TTN: variants seen among roughly 807,000 people sequenced by gnomAD.
The protein encoded by TTN is titin, also known as connectin.
TTN carries 1,525 observed loss-of-function variants against 3,223.0 expected under a neutral mutation model. That is an observed-to-expected ratio of 0.47 (90% CI 0.45 to 0.49). The LOEUF (loss-of-function observed/expected upper bound fraction) is 0.49, where lower values mean the gene tolerates loss of function less well. Ranked by LOEUF, TTN falls within the 20% of genes least tolerant of loss-of-function variation. TTN has a pLI of 0.00. For missense variants in TTN, 40,786 were observed against 43,424.0 expected (o/e 0.94, Z 5.40); for synonymous variants, 14,094 against 15,161.0 (o/e 0.93, Z 5.17).
Position 178,574,370 on chromosome 2 carries a change from G to A in TTN, c.71762C>T (p.Ala23921Val), listed in dbSNP as rs745468509. The change falls in exon 326 of 363, where the codon GCT becomes GTT. Residue 23921 changes from alanine to valine, a missense_variant. Coordinates refer to ENST00000589042, the MANE Select transcript of TTN (RefSeq NM_001267550.2). ...TCCAGGTGGGTCAATGGGATCCAGA[G>A]CCAACATAGGTTCTGATGGCTTGCT... The part of the protein sequence containing the change: ...KPSKPSEPML[A>V]LDPIDPPGKP... The A allele has an allele frequency of 1.2e-6, 2 of 1,613,580 alleles. No homozygotes were observed. Among genetic ancestry groups the A allele is most frequent in the Admixed American group, 3.3e-5 (2 of 59,992 alleles).
chr2:178,625,501 T>C lies in TTN; in HGVS notation c.44425-105A>G, dbSNP rs1653421043. On this transcript the variant is annotated intron_variant, in intron 240 of 362. Coordinates refer to ENST00000589042, the MANE Select transcript of TTN (RefSeq NM_001267550.2). ...TGGAAATAGAGCTTTCCAAGTTGTT[T>C]TATAATCATCTATTTAGCACGTATG... The C allele has an allele frequency of 3.0e-6, 4 of 1,326,682 alleles. No homozygotes were observed. The South Asian group carries it at 5.8e-5, about 19-fold the overall frequency. The allele number at this position is 1,326,682 out of a possible 1,614,324, so 82.2% of individuals were successfully genotyped here.
intron 281 of TTN, 36 bp downstream of exon 281, chr2:178,604,672 T>A (rs1476461627): frequency 6.5e-7 from 1 of 1,549,746 alleles, no homozygotes; most frequent in Non-Finnish European, 8.7e-7. Flanking sequence ...GTCATGTACT[T>A]TTAATGTGTA....
At position 178,679,889 on chromosome 2, in the gene TTN, T is replaced by A; in HGVS notation, c.33580+5A>T. The A allele has an allele frequency of 1.2e-6, 2 of 1,612,698 alleles. No individual in the cohort carries two copies. Among genetic ancestry groups the A allele is most frequent in the African/African-American group, 1.3e-5 (1 of 74,948 alleles). The stretch of plus-strand genomic sequence containing the variant: ...GCACAGCCCTTTGCAGGAGGCATCA[T>A]CTACCTTTGACTGGTATCACTGGCA... On this transcript the variant is annotated splice_donor_5th_base_variant and intron_variant, in intron 140 of 362. Coordinates refer to ENST00000589042, the MANE Select transcript of TTN (RefSeq NM_001267550.2).
At chr2:178,639,906 G>A in intron 222 of TTN, 118 bp from the exon 223 acceptor site, 14 of 1,423,966 alleles carry the variant, frequency 9.8e-6, no homozygotes, top group Non-Finnish European at 1.2e-5. Flanking sequence ...TAGTTTTTAA[G>A]AGAATAGTAT....
At position 178,706,559 on chromosome 2, in the gene TTN, A is replaced by G; in HGVS notation, c.29315T>C (p.Val9772Ala). 1 of 1,613,896 alleles carries G rather than the reference A, an allele frequency of 6.2e-7. No homozygotes were observed. The highest frequency in any genetic ancestry group is 8.5e-7 in the Non-Finnish European group (1 of 1,179,858). Reference protein sequence around the residue: ...TKTDSGLYRCVAFNEHGEIES... With the variant: ...TKTDSGLYRCAAFNEHGEIES... ...AATTTCACCATGTTCGTTAAATGCC[A>G]CGCATCGGTATAACCCAGAATCAGT... Residue 9772 changes from valine to alanine, a missense_variant, in exon 102 of 363, where the codon GTG (valine) becomes GCG (alanine). Physicochemically the swap from Val to Ala is moderately conservative, Grantham distance 64. Coordinates refer to ENST00000589042, the MANE Select transcript of TTN (RefSeq NM_001267550.2).
chr2:178,568,482 C>T lies in TTN; in HGVS notation c.77650G>A (p.Glu25884Lys), dbSNP rs747699837. ...NVVGQKTASI[E>K]IVTLDKPDPP... ...TCAGGTTTATCTAGAGTTACAATTT[C>T]GATGGATGCTGTCTTCTGACCAACA... The change falls in exon 326 of 363, where the codon GAA (glutamate) becomes AAA (lysine). Residue 25884 changes from glutamate (E) to lysine (K), a missense_variant. By Grantham distance (56) the Glu-to-Lys change is moderately conservative. Coordinates refer to ENST00000589042, the MANE Select transcript of TTN (RefSeq NM_001267550.2). 34 of 1,613,236 alleles carry T rather than the reference C, an allele frequency of 2.1e-5. No individual in the cohort carries two copies. Among genetic ancestry groups the T allele is most frequent in the South Asian group, 4.4e-5 (4 of 91,074 alleles).
rs747842187 is a variant in TTN at position 178,591,315 on chromosome 2, G to T, written c.60410C>A (p.Thr20137Asn). ...GTCTCTCCTTAAGCAGTTCTTAATG[G>T]TAAGTACTGATGAGAAGTTGTCTGT... is the stretch of plus-strand genomic sequence containing the variant. ...VETDNFSSVL[T>N]IKNCLRRDTG... The change falls in exon 304 of 363, where the codon ACC becomes AAC. Residue 20137 changes from threonine to asparagine, a missense_variant. Coordinates refer to ENST00000589042, the MANE Select transcript of TTN (RefSeq NM_001267550.2). 1.2e-6 allele frequency: 2 copies of T among 1,613,132 alleles called. No individual in the cohort carries two copies. The highest frequency in any genetic ancestry group is 1.7e-6 in the Non-Finnish European group (2 of 1,179,462).
At position 178,783,736 on chromosome 2, in the gene TTN, G is replaced by A. The variant is rs762266215; in HGVS notation, c.2825C>T (p.Pro942Leu). 3 of 1,613,264 alleles carry A rather than the reference G, an allele frequency of 1.9e-6. No individual in the cohort carries two copies. The highest frequency in any genetic ancestry group is 1.7e-4 in the Middle Eastern group (1 of 6,060). ...TTTACTCACCGAGACCAAAGTTGGT[G>A]GAGTAACAGGAATTTCAACAGGTGC... ...VPAPVEIPVT[P>L]PTLVSGLKNV... The change falls in exon 17 of 363, where the codon CCA becomes CTA. Residue 942 changes from proline to leucine, a missense_variant. Pro to Leu is a moderately conservative substitution (Grantham distance 98). Coordinates refer to ENST00000589042, the MANE Select transcript of TTN (RefSeq NM_001267550.2).
Position 178,563,543 on chromosome 2 carries a change from C to T in TTN, c.82589G>A (p.Arg27530Lys). The T allele has an allele frequency of 6.2e-7, 1 of 1,613,814 alleles. No homozygotes were observed. Among genetic ancestry groups the T allele is most frequent in the Non-Finnish European group, 8.5e-7 (1 of 1,179,762 alleles). Residue 27530 changes from arginine to lysine, a missense_variant, in exon 326 of 363, where the codon AGG becomes AAG. Transcript: ENST00000589042. This position sits in a 1 kb window ranked among gnomAD's most constrained non-coding sequence, Gnocchi z 4.5. ...NKKTLTDLRL[R>K]VTGLTEGHSY... ...ATGGCCTTCGGTAAGACCAGTTACC[C>T]TGAGCCGCAGATCCGTTAATGTTTT... is the stretch of plus-strand genomic sequence containing the variant.
In TTN at chr2:178,720,135, A is replaced by T. The variant is rs753936432; in HGVS notation, c.23507T>A (p.Ile7836Asn). Reference protein sequence around the residue: ...VVWLKDRGEVIRESENTRISF... With the variant: ...VVWLKDRGEVNRESENTRISF... ...AATCCTGGTATTTTCACTCTCTCTG[A>T]TGACTTCACCTCTATCTTTCAGCCA... The change falls in exon 81 of 363, where the codon ATC (isoleucine) becomes AAC (asparagine). Residue 7836 changes from isoleucine (I) to asparagine (N), a missense_variant. Transcript: ENST00000589042. 4 of 1,613,786 alleles carry T rather than the reference A, an allele frequency of 2.5e-6. No homozygotes were observed. The East Asian group carries it at 6.7e-5, about 27-fold the overall frequency.
chr2:178,541,352 T>C lies in TTN; in HGVS notation c.97725A>G (p.Thr32575=). The part of the protein sequence containing the change: ...TEGLEYEHRV[T]AINARGSGKP... Reference sequence around the variant, plus strand: ...TCCCAGACCCTCTTGCATTAATGGCTGTGACACGGTGTTCATATTCTAAGC... The same window carrying C: ...TCCCAGACCCTCTTGCATTAATGGCCGTGACACGGTGTTCATATTCTAAGC... Residue 32575 remains threonine (T), a synonymous_variant, in exon 350 of 363, where the codon ACA becomes ACG. Coordinates refer to ENST00000589042, the MANE Select transcript of TTN (RefSeq NM_001267550.2). 1.3e-6 allele frequency: 2 copies of C among 1,591,804 alleles called. No individual in the cohort carries two copies. Among genetic ancestry groups the C allele is most frequent in the South Asian group, 2.3e-5 (2 of 87,940 alleles).
Position 178,802,212 on chromosome 2 carries a change from T to C in TTN, c.221A>G (p.Asn74Ser), listed in dbSNP as rs774795341. Residue 74 changes from asparagine (N) to serine (S), a missense_variant, in exon 3 of 363, where the codon AAC becomes AGC. By Grantham distance (46) the Asn-to-Ser change is conservative. Coordinates refer to ENST00000589042, the MANE Select transcript of TTN (RefSeq NM_001267550.2). ...KLTIPAVTKA[N>S]SGRYSLKATN... ...GGCTTTCAGGGAATATCGTCCACTG[T>C]TGGCTTTAGTCACGGCGGGGATCGT... 7.4e-6 allele frequency: 12 copies of C among 1,614,152 alleles called. No homozygotes were observed. The highest frequency in any genetic ancestry group is 1.0e-5 in the Non-Finnish European group (12 of 1,179,986).
intron 295 of TTN, 90 bp from the exon 296 acceptor site, chr2:178,594,736 G>T: frequency 9.2e-7 from 1 of 1,085,206 alleles, no homozygotes; most frequent in Non-Finnish European, 1.3e-6. Flanking sequence ...TCTGAAGATT[G>T]CATTTAAACA....
At chr2:178,691,166 T>C (rs1177809782) in intron 121 of TTN, among the ~76,000 whole-genome samples, 1 of 152,126 alleles carries the variant, frequency 6.6e-6, no homozygotes, top group Non-Finnish European at 1.5e-5. Context: ...CATTGCAAAG[T>C]CAGGCCAAGG....
In TTN at chr2:178,730,582, G is replaced by A; in HGVS notation, c.17951C>T (p.Thr5984Ile). 6.2e-7 allele frequency: 1 copy of A among 1,613,648 alleles called. No homozygotes were observed. Among genetic ancestry groups the A allele is most frequent in the Non-Finnish European group, 8.5e-7 (1 of 1,179,666 alleles). ...AFLEISQLEG[T>I]DSGTYTCSAT... is the part of the protein sequence containing the mutation. ...AGAACAAGTGTATGTCCCACTGTCT[G>A]TACCTTCCAGCTGGCTGATTTCCAA... Residue 5984 changes from threonine to isoleucine, a missense_variant, in exon 61 of 363, where the codon ACA (threonine) becomes ATA (isoleucine). Coordinates refer to ENST00000589042, the MANE Select transcript of TTN (RefSeq NM_001267550.2).
At position 178,573,113 on chromosome 2, in the gene TTN, A is replaced by G; in HGVS notation, c.73019T>C (p.Ile24340Thr). The G allele has an allele frequency of 6.2e-7, 1 of 1,613,318 alleles. No individual in the cohort carries two copies. Among genetic ancestry groups the G allele is most frequent in the Admixed American group, 1.7e-5 (1 of 59,980 alleles). The change falls in exon 326 of 363, where the codon ATT (isoleucine) becomes ACT (threonine). Residue 24340 changes from isoleucine to threonine, a missense_variant. Physicochemically the swap from Ile to Thr is moderately conservative, Grantham distance 89 (BLOSUM62 -1). Coordinates refer to ENST00000589042, the MANE Select transcript of TTN (RefSeq NM_001267550.2). ...PRVLDTSRSS[I>T]SIAWNKPIYD... ...GATAGGTTTATTCCAAGCGATTGAA[A>G]TGGATGATCTGCTTGTATCCAGAAC...
intron 47 of TTN, chr2:178,742,855 T>C (rs2082737253): frequency 6.6e-6 from 1 of 152,090 alleles, no homozygotes; most frequent in South Asian, 2.1e-4. Context: ...GAAATAGACT[T>C]ACACCTTAAT....
chr2:178,763,905 A>G (rs1463665515), intron 43 of TTN, among the ~76,000 whole-genome samples: 2 of 144,478 alleles, frequency 1.4e-5, no homozygotes, highest in Non-Finnish European at 3.0e-5. Flanking sequence ...AGGGAACATG[A>G]CCTTTTTTAA....
In TTN at chr2:178,740,928, T is replaced by C; in HGVS notation, c.12305A>G (p.Glu4102Gly). The C allele has an allele frequency of 6.2e-7, 1 of 1,613,928 alleles. No individual in the cohort carries two copies. The highest frequency in any genetic ancestry group is 8.5e-7 in the Non-Finnish European group (1 of 1,179,846). ...TCCCAAAGGAAGCTGACTGCTCAAT[T>C]CATTGGCTTTAGCAATATGCTCATA... is the stretch of plus-strand genomic sequence containing the variant. ...LSYEHIAKAN[E>G]LSSQLPLGAQ... is the part of the protein sequence containing the mutation. The change falls in exon 48 of 363, where the codon GAA becomes GGA. Residue 4102 changes from glutamate (E) to glycine (G), a missense_variant. Transcript: ENST00000589042.
Sources: allele counts gnomAD v4.1 joint callset (sites outside exome capture counted in the v4.1 genomes callset), GRCh38; gene constraint gnomAD v4.1.1; non-coding constraint Gnocchi (gnomAD v3.1); transcripts MANE v1.5; gene names NCBI Gene and HGNC (gene_info 2026-07-23, HGNC 2026-07-21).